Variants in MMRN2 observed in about 807,000 individuals in gnomAD.
The protein encoded by MMRN2 is multimerin-2.
A neutral mutation model predicts 68.8 loss-of-function variants in MMRN2; 53 were observed. The observed-to-expected ratio is 0.77, with a 90% confidence interval of 0.62 to 0.97. The LOEUF (loss-of-function observed/expected upper bound fraction) is 0.97, where lower values mean the gene tolerates loss of function less well. Ranked by LOEUF, MMRN2 falls within the 50% of genes least tolerant of loss-of-function variation. The pLI, the probability that MMRN2 is intolerant of heterozygous loss-of-function variation, is 0.00. For missense variants in MMRN2, 1,266 were observed against 1,259.5 expected (o/e 1.01, Z -0.08); for synonymous variants, 564 against 551.6 (o/e 1.02, Z -0.32).
chr10:86,953,070 G>A (rs780222353), intron 1 of MMRN2, among the ~76,000 whole-genome samples: 54 of 152,118 alleles, frequency 3.5e-4, no homozygotes, highest in African/African-American at 1.7e-4. Context: ...GCCCGACCCC[G>A]CAGGCAGTTA....
rs1843983738 is a variant in MMRN2 at position 86,942,299 on chromosome 10, C to T, written c.2467+18G>A. 1.9e-6 allele frequency: 3 copies of T among 1,593,208 alleles called. No individual in the cohort carries two copies. Among genetic ancestry groups the T allele is most frequent in the East Asian group, 2.2e-5 (1 of 44,644 alleles). On this transcript the variant is annotated intron_variant, in intron 6 of 6. Coordinates refer to ENST00000372027, the MANE Select transcript of MMRN2 (RefSeq NM_024756.3). ...TGGCCTCCTAGGCTCGTCCAGTCTC[C>T]CCAGCCCAGGAACTCACCTGCCTCC... is the stretch of plus-strand genomic sequence containing the variant.
chr10:86,936,284 G>T lies in MMRN2; in HGVS notation c.*459C>A. The T allele has an allele frequency of 4.8e-6, 2 of 420,976 alleles. No individual in the cohort carries two copies. The highest frequency in any genetic ancestry group is 6.7e-5 in the East Asian group (2 of 30,052). 26.1% of individuals were successfully genotyped at this position (420,976 alleles called of 1,614,324 possible). On this transcript the variant is annotated 3_prime_UTR_variant, in exon 7 of 7. Coordinates refer to ENST00000372027, the MANE Select transcript of MMRN2 (RefSeq NM_024756.3). ...TTGCCCTCTAGTGCTTTCCAATGTT[G>T]GCCAAAATGTTGCCTCCATTTTAAA... is the stretch of plus-strand genomic sequence containing the variant.
At chr10:86,937,525 G>T (rs1843898731) in intron 6 of MMRN2, among the ~76,000 whole-genome samples, 1 of 151,080 alleles carries the variant, frequency 6.6e-6, no homozygotes, top group African/African-American at 2.4e-5. Context: ...GGGCTCAAGT[G>T]ATCCTCCAGC....
rs748060678 is a variant in MMRN2 at position 86,943,846 on chromosome 10, TC to T, written c.937del (p.Asp313ThrfsTer25). ...GGTAAAGTGCTGGGCGTGCAGGCGG[TC>T]CTCCACGTCCTGTCGCAGCTGACCC... The part of the protein sequence containing the change: ...RVGQLRQDVE[D>X]RLHAQHFTLH... On this transcript the variant is annotated frameshift_variant, in exon 6 of 7. Coordinates refer to ENST00000372027, the MANE Select transcript of MMRN2 (RefSeq NM_024756.3). LOFTEE classifies it high-confidence loss of function. The surrounding 1 kb of genome is among the most constrained non-coding windows in gnomAD (Gnocchi z 4.2). 106 of 1,613,202 alleles carry T rather than the reference TC, an allele frequency of 6.6e-5. No individual in the cohort carries two copies. The highest frequency in any genetic ancestry group is 8.3e-5 in the Non-Finnish European group (98 of 1,180,022).
intron 6 of MMRN2, among the ~76,000 whole-genome samples, chr10:86,938,667 C>A (rs940337893): frequency 6.6e-6 from 1 of 152,144 alleles, no homozygotes; most frequent in Non-Finnish European, 1.5e-5. Flanking sequence ...ACAAGGTCCC[C>A]ATTTCTTAGG....
At chr10:86,952,291 G>A (rs969679306) in intron 1 of MMRN2, among the ~76,000 whole-genome samples, 2 of 152,306 alleles carry the variant, frequency 1.3e-5, no homozygotes, top group Non-Finnish European at 2.9e-5. Context: ...CTGAAACAGA[G>A]AGCTGGGAAG....
chr10:86,937,545 C>T (rs1843899039), intron 6 of MMRN2, among the ~76,000 whole-genome samples: 1 of 151,896 alleles, frequency 6.6e-6, no homozygotes, highest in South Asian at 2.1e-4. Context: ...CCTCAGCTTC[C>T]CAAAATGTTG....
chr10:86,945,109 T>C (rs1176238286), intron 4 of MMRN2, 79 bp downstream of exon 4: 4 of 1,262,296 alleles, frequency 3.2e-6, no homozygotes, highest in Non-Finnish European at 4.6e-6. Flanking sequence ...ATGGCACTGC[T>C]GTATCACAGG....
chr10:86,948,907 G>C (rs184488625), intron 1 of MMRN2: 13 of 152,318 alleles, frequency 8.5e-5, no homozygotes, highest in Admixed American at 6.5e-4. Flanking sequence ...AGTGAGCTAT[G>C]ATTGCGCCAC....
intron 6 of MMRN2, among the ~76,000 whole-genome samples, chr10:86,941,600 C>T (rs1843967051): frequency 6.6e-6 from 1 of 151,796 alleles, no homozygotes; most frequent in African/African-American, 2.4e-5. Context: ...GAATTTGAGA[C>T]CAGCCTGGGC....
In MMRN2 at chr10:86,936,792, C is replaced by T. The variant is rs752380026; in HGVS notation, c.2801G>A (p.Arg934Lys). The T allele has an allele frequency of 1.2e-5, 20 of 1,614,080 alleles. No homozygotes were observed. The highest frequency in any genetic ancestry group is 4.0e-5 in the African/African-American group (3 of 74,932). The change falls in exon 7 of 7, where the codon AGA becomes AAA. Residue 934 changes from arginine to lysine, a missense_variant. Physicochemically the swap from Arg to Lys is conservative, Grantham distance 26 (BLOSUM62 2). Transcript: ENST00000372027. ...FELTQGSITK[R>K]SLSGTAFGGF... Reference sequence around the variant, plus strand: ...CCCAAATGCAGTGCCCGACAGGCTTCTCTTTGTTATTGATCCCTGGGTTAA... The same window carrying T: ...CCCAAATGCAGTGCCCGACAGGCTTTTCTTTGTTATTGATCCCTGGGTTAA...
intron 1 of MMRN2, among the ~76,000 whole-genome samples, chr10:86,947,149 A>G (rs556448880): frequency 6.6e-6 from 1 of 152,298 alleles, no homozygotes; most frequent in South Asian, 2.1e-4. Flanking sequence ...AGCTGTGTCC[A>G]CGGTCTGGGG....
At chr10:86,942,284 G>A in intron 6 of MMRN2, 33 bp downstream of exon 6, 1 of 1,568,962 alleles carries the variant, frequency 6.4e-7, no homozygotes, top group Non-Finnish European at 8.6e-7. Flanking sequence ...TGGCCTCCTA[G>A]GCTCGTCCAG....
Position 86,944,057 on chromosome 10 carries a change from G to C in MMRN2, c.727C>G (p.Pro243Ala). The C allele has an allele frequency of 6.2e-7, 1 of 1,614,140 alleles. No individual in the cohort carries two copies. The highest frequency in any genetic ancestry group is 8.5e-7 in the Non-Finnish European group (1 of 1,180,032). ...VDTFLQVHFS[P>A]IWRSFNQSLH... is the part of the protein sequence containing the mutation. ...CTTTGGTTAAAGCTCCTCCAGATGG[G>C]GCTGAAATGCACTTGTAGGAAGGTG... The change falls in exon 6 of 7, where the codon CCC becomes GCC. Residue 243 changes from proline (P) to alanine (A), a missense_variant. Coordinates refer to ENST00000372027, the MANE Select transcript of MMRN2 (RefSeq NM_024756.3).
chr10:86,942,908 T>A lies in MMRN2; in HGVS notation c.1876A>T (p.Thr626Ser), dbSNP rs1255544601. ...EEVLEEMSEQ[T>S]PGPLPLSYEQ... is the part of the protein sequence containing the mutation. ...TAGCTCAGGGGCAGCGGTCCCGGCG[T>A]CTGCTCAGACATCTCCTCCAGCACC... is the stretch of plus-strand genomic sequence containing the variant. Residue 626 changes from threonine to serine, a missense_variant, in exon 6 of 7, where the codon ACG becomes TCG. Transcript: ENST00000372027. 6.8e-7 allele frequency: 1 copy of A among 1,477,392 alleles called. No homozygotes were observed. Among genetic ancestry groups the A allele is most frequent in the Non-Finnish European group, 9.0e-7 (1 of 1,113,442 alleles). 91.5% of individuals were successfully genotyped at this position (1,477,392 alleles called of 1,614,324 possible).
In MMRN2 at chr10:86,942,941, C is replaced by G. The variant is rs565814756; in HGVS notation, c.1843G>C (p.Gly615Arg). The G allele has an allele frequency of 2.7e-6, 4 of 1,500,774 alleles. No homozygotes were observed. The South Asian group carries it at 4.9e-5, about 19-fold the overall frequency. The allele number at this position is 1,500,774 out of a possible 1,614,324, so 93.0% of individuals were successfully genotyped here. A position where few individuals can be genotyped will look rare whatever the true frequency, so the allele number is the denominator to read the frequency against. The part of the protein sequence containing the change: ...RHEAVLAALF[G>R]EEVLEEMSEQ... ...GACATCTCCTCCAGCACCTCCTCCC[C>G]GAAGAGCGCGGCCAGCACCGCCTCG... is the stretch of plus-strand genomic sequence containing the variant. Residue 615 changes from glycine (G) to arginine (R), a missense_variant, in exon 6 of 7, where the codon GGG becomes CGG. Physicochemically the swap from Gly to Arg is moderately radical, Grantham distance 125. Transcript: ENST00000372027.
In MMRN2 at chr10:86,943,010, G is replaced by A; in HGVS notation, c.1774C>T (p.Leu592=). The part of the protein sequence containing the change: ...AAEARHEVRQ[L]HSAFAALLED... ...AGCAGGGCGGCGAAGGCGCTGTGCA[G>A]CTGGCGCACCTCGTGGCGGGCCTCG... is the stretch of plus-strand genomic sequence containing the variant. Residue 592 remains leucine, a synonymous_variant, in exon 6 of 7, where the codon CTG becomes TTG. Coordinates refer to ENST00000372027, the MANE Select transcript of MMRN2 (RefSeq NM_024756.3). The surrounding 1 kb of genome is among the most constrained non-coding windows in gnomAD (Gnocchi z 4.2). 7.1e-7 allele frequency: 1 copy of A among 1,403,826 alleles called. No homozygotes were observed. 87.0% of individuals were successfully genotyped at this position (1,403,826 alleles called of 1,614,324 possible).
intron 6 of MMRN2, among the ~76,000 whole-genome samples, chr10:86,940,514 C>T (rs557670021): frequency 6.6e-6 from 1 of 152,326 alleles, no homozygotes; most frequent in Non-Finnish European, 1.5e-5. Flanking sequence ...ACGTTGACTG[C>T]GTTCCTACAT....
intron 1 of MMRN2, chr10:86,948,585 C>T (rs764361960): frequency 1.1e-4 from 16 of 152,258 alleles, no homozygotes; most frequent in African/African-American, 3.6e-4. Flanking sequence ...GAAAAATAGA[C>T]GACCAGTCTT....
Sources: gnomAD v4.1 joint callset for allele counts (sites outside exome capture counted in the v4.1 genomes callset) on GRCh38, gnomAD v4.1.1 for gene constraint, Gnocchi (gnomAD v3.1) non-coding constraint, MANE v1.5 for transcripts, NCBI Gene and HGNC (gene_info 2026-07-23, HGNC 2026-07-21) for gene names.